The following ETV5 variants were observed in gnomAD, a reference collection of about 807,000 sequenced individuals.
The protein encoded by ETV5 is ETS variant transcription factor 5, also known as ETS translocation variant 5.
ETV5 carries 10 observed loss-of-function variants against 70.0 expected under a neutral mutation model. The ratio of observed to expected loss-of-function variants is 0.14; its 90% CI spans 0.09 to 0.24. The LOEUF (loss-of-function observed/expected upper bound fraction) is 0.24. Ranked by LOEUF, ETV5 falls within the 10% of genes least tolerant of loss-of-function variation. The probability of loss-of-function intolerance (pLI) is 1.00; values close to 1 mark genes in which losing one functional copy is unlikely to be tolerated. For synonymous variants in ETV5, 216 were observed against 242.2 expected, an observed-to-expected ratio of 0.89 and a Z score of 1.01; for missense variants, 453 against 651.2, an observed-to-expected ratio of 0.70 and a Z score of 3.31.
intron 5 of ETV5, chr3:186,084,250 A>G (rs1210155620): frequency 2.2e-6 from 1 of 450,288 alleles, no homozygotes; most frequent in Middle Eastern, 3.3e-4. Context: ...AAAAGGGATC[A>G]TGAACTCTTG....
chr3:186,104,596 G>A (rs1435777182), intron 5 of ETV5, among the ~76,000 whole-genome samples: 1 of 151,904 alleles, frequency 6.6e-6, no homozygotes, highest in Non-Finnish European at 1.5e-5. Flanking sequence ...AGAAATATCA[G>A]GTTCATGATT....
At position 186,105,997 on chromosome 3, in the gene ETV5, A is replaced by G; in HGVS notation, c.-74-55T>C. The G allele has an allele frequency of 7.9e-7, 1 of 1,270,918 alleles. No homozygotes were observed. The highest frequency in any genetic ancestry group is 1.5e-5 in the African/African-American group (1 of 66,746). 78.7% of individuals were successfully genotyped at this position (1,270,918 alleles called of 1,614,324 possible). A position where few individuals can be genotyped will look rare whatever the true frequency, so the allele number is the denominator to read the frequency against. The stretch of plus-strand genomic sequence containing the variant: ...AAGAGGGGGGAAAAAAAGAAATGAA[A>G]CAATTTTAGACTGCCTTTTTTTTAG... On this transcript the variant is annotated intron_variant, in intron 1 of 12. Transcript: ENST00000306376. This position sits in a 1 kb window ranked among gnomAD's most constrained non-coding sequence, Gnocchi z 4.5.
At chr3:186,074,859 C>CAAAAAAAA (rs747453303) in intron 7 of ETV5, among the ~76,000 whole-genome samples, 4 of 76,470 alleles carry the variant, frequency 5.2e-5, no homozygotes, top group South Asian at 5.0e-4. Flanking sequence ...ACTCTGTCTC[C>CAAAAAAAA]AAAAAAAAAA....
At position 186,052,778 on chromosome 3, in the gene ETV5, T is replaced by C. The variant is rs1476530078; in HGVS notation, c.1210-647A>G. Among the ~76,000 whole-genome samples, 2 of 152,168 alleles carry C rather than the reference T, an allele frequency of 1.3e-5. No homozygotes were observed. The highest frequency in any genetic ancestry group is 2.9e-5 in the Non-Finnish European group (2 of 68,032). On this transcript the variant is annotated intron_variant, in intron 11 of 12. Coordinates refer to ENST00000306376, the MANE Select transcript of ETV5 (RefSeq NM_004454.3). The surrounding 1 kb of genome is among the most constrained non-coding windows in gnomAD (Gnocchi z 4.5). ...GCTTTCCAAACAGTTCTGAAATGCATTATATCCAACCCAGTCCACCTGAGG... is the reference window on the plus strand; with the variant it reads ...GCTTTCCAAACAGTTCTGAAATGCACTATATCCAACCCAGTCCACCTGAGG...
chr3:186,091,914 G>A (rs540361987), intron 5 of ETV5, among the ~76,000 whole-genome samples: 2 of 152,324 alleles, frequency 1.3e-5, no homozygotes, highest in East Asian at 3.9e-4. Context: ...TGAAATTAGA[G>A]CCAAGTCTTG....
At chr3:186,090,770 T>TTGG (rs1486446533) in intron 5 of ETV5, among the ~76,000 whole-genome samples, 7 of 152,178 alleles carry the variant, frequency 4.6e-5, no homozygotes, top group African/African-American at 1.7e-4. Context: ...CATAAGCAGC[T>TTGG]TGGGTTAGCC....
intron 5 of ETV5, among the ~76,000 whole-genome samples, chr3:186,103,168 TA>T (rs144350594): frequency 0.017 from 2,611 of 151,958 alleles, 79 homozygotes; most frequent in African/African-American, 0.061. Context: ...GTAAGCAAAG[TA>T]AAAAAAACAT....
chr3:186,068,648 G>A (rs1029789305), intron 7 of ETV5, among the ~76,000 whole-genome samples: 6 of 152,182 alleles, frequency 3.9e-5, no homozygotes, highest in Non-Finnish European at 7.3e-5. Flanking sequence ...CAAAGGCAAA[G>A]TTTCTTGGCT....
At chr3:186,081,958 C>T (rs1363856388) in intron 5 of ETV5, among the ~76,000 whole-genome samples, 1 of 152,224 alleles carries the variant, frequency 6.6e-6, no homozygotes, top group Non-Finnish European at 1.5e-5. Context: ...GGAGCTACTG[C>T]TTTTGGCTTG....
intron 1 of ETV5, chr3:186,108,547 G>T (rs956044795): frequency 1.6e-6 from 2 of 1,278,182 alleles, no homozygotes; most frequent in Non-Finnish European, 2.0e-6. Flanking sequence ...TCCCAACTGC[G>T]GAGCTCCGCC....
At chr3:186,059,758 C>T (rs1308849903) in intron 9 of ETV5, among the ~76,000 whole-genome samples, 2 of 152,156 alleles carry the variant, frequency 1.3e-5, no homozygotes, top group East Asian at 3.8e-4. Flanking sequence ...ACCAAAGATT[C>T]TAAATTCCTT....
At chr3:186,059,099 A>G (rs1713243594) in intron 9 of ETV5, among the ~76,000 whole-genome samples, 1 of 152,122 alleles carries the variant, frequency 6.6e-6, no homozygotes, top group African/African-American at 2.4e-5. Context: ...TAATTTCACC[A>G]TTCTTTGTTT....
At chr3:186,055,746 C>A (rs1713144234) in intron 11 of ETV5, among the ~76,000 whole-genome samples, 2 of 152,232 alleles carry the variant, frequency 1.3e-5, no homozygotes, top group Admixed American at 1.3e-4. Context: ...CAAACCAAGT[C>A]CCCGGTTGCT....
At chr3:186,077,286 T>C (rs1487754969) in intron 7 of ETV5, among the ~76,000 whole-genome samples, 1 of 152,228 alleles carries the variant, frequency 6.6e-6, no homozygotes, top group East Asian at 1.9e-4. Flanking sequence ...AGAGACAACC[T>C]ATAGTCACCA....
intron 9 of ETV5, among the ~76,000 whole-genome samples, chr3:186,058,408 TAGG>T (rs1353150402): frequency 6.6e-6 from 1 of 152,214 alleles, no homozygotes; most frequent in Non-Finnish European, 1.5e-5. Flanking sequence ...GCACACGTCT[TAGG>T]AGAATGCCCC....
At position 186,105,222 on chromosome 3, in the gene ETV5, C is replaced by A; in HGVS notation, c.232+83G>T. The A allele has an allele frequency of 1.7e-6, 2 of 1,199,968 alleles. No homozygotes were observed. 74.3% of individuals were successfully genotyped at this position (1,199,968 alleles called of 1,614,324 possible). A position where few individuals can be genotyped will look rare whatever the true frequency, so the allele number is the denominator to read the frequency against. The stretch of plus-strand genomic sequence containing the variant: ...TACTACTGTCTAAATCTGGCCATAG[C>A]TGAAAAAAGCATATTCTAGACATGG... On this transcript the variant is annotated intron_variant, in intron 5 of 12. Transcript: ENST00000306376. This position sits in a 1 kb window ranked among gnomAD's most constrained non-coding sequence, Gnocchi z 4.5.
chr3:186,065,816 A>T lies in ETV5; in HGVS notation c.907T>A (p.Ser303Thr). ...KQEPRDYCVD[S>T]EVPNCQSSYM... The stretch of plus-strand genomic sequence containing the variant: ...AATAGCACAATTTGATGCTGACCTG[A>T]ATCGACGCAGTAATCCCGAGGCTCC... Residue 303 changes from serine (S) to threonine (T), a missense_variant, in exon 8 of 13, where the codon TCA becomes ACA. By Grantham distance (58) the Ser-to-Thr change is moderately conservative. Transcript: ENST00000306376. 6.2e-7 allele frequency: 1 copy of T among 1,614,104 alleles called. No homozygotes were observed. Among genetic ancestry groups the T allele is most frequent in the Non-Finnish European group, 8.5e-7 (1 of 1,180,042 alleles).
At chr3:186,085,805 C>T (rs79262908) in intron 5 of ETV5, among the ~76,000 whole-genome samples, 45,615 of 152,052 alleles carry the variant, frequency 0.3, 8,384 homozygotes, top group East Asian at 0.6. Flanking sequence ...CCACCGTACC[C>T]GGCAGCCTTC....
chr3:186,088,766 A>G (rs1464423337), intron 5 of ETV5, among the ~76,000 whole-genome samples: 8 of 152,212 alleles, frequency 5.3e-5, no homozygotes, highest in Non-Finnish European at 1.0e-4. Flanking sequence ...AACTTGTCTG[A>G]GTACTCCACT....
Sources: gnomAD v4.1 joint callset for allele counts (sites outside exome capture counted in the v4.1 genomes callset) on GRCh38, gnomAD v4.1.1 for gene constraint, Gnocchi (gnomAD v3.1) non-coding constraint, MANE v1.5 for transcripts, NCBI Gene and HGNC (gene_info 2026-07-23, HGNC 2026-07-21) for gene names.